The following RGS7 variants were observed in gnomAD, a reference collection of about 807,000 sequenced individuals.
RGS7 encodes the protein regulator of G protein signaling 7, also known as regulator of G-protein signaling 7.
Under a neutral mutation model 81.1 loss-of-function variants are expected in RGS7, and 27 were observed. The observed-to-expected ratio is 0.33, with a 90% CI of 0.25 to 0.46. The LOEUF (loss-of-function observed/expected upper bound fraction) is 0.46, where lower values mean the gene tolerates loss of function less well. Ranked by LOEUF, RGS7 falls within the 20% of genes least tolerant of loss-of-function variation. The pLI is 1.00. For synonymous variants in RGS7, 208 were observed against 207.7 expected, an observed-to-expected ratio of 1.00 and a Z score of -0.01; for missense variants, 396 against 607.4, an observed-to-expected ratio of 0.65 and a Z score of 3.66.
At chr1:241,022,295 G>A (rs2059578290) in intron 3 of RGS7, among the ~76,000 whole-genome samples, 1 of 152,186 alleles carries the variant, frequency 6.6e-6, no homozygotes, top group African/African-American at 2.4e-5. Context: ...CCTGGGTGTA[G>A]AGTGAACTAA....
chr1:241,015,341 T>C (rs2059166274), intron 3 of RGS7, among the ~76,000 whole-genome samples: 1 of 152,224 alleles, frequency 6.6e-6, no homozygotes, highest in Admixed American at 6.5e-5. Context: ...GCAGAAACTA[T>C]TCAATAAAAC....
chr1:240,863,887 C>T (rs552017065), intron 9 of RGS7, among the ~76,000 whole-genome samples: 19 of 152,262 alleles, frequency 1.2e-4, no homozygotes, highest in Middle Eastern at 3.4e-3. Flanking sequence ...ATATCCTCTG[C>T]GGACTATTGC....
intron 2 of RGS7, among the ~76,000 whole-genome samples, chr1:241,300,212 C>T (rs1042109929): frequency 1.3e-5 from 2 of 152,090 alleles, no homozygotes; most frequent in African/African-American, 4.8e-5. Flanking sequence ...CCCCAACCTA[C>T]CCCACTATCA....
chr1:241,131,523 G>A (rs757841456), intron 2 of RGS7, among the ~76,000 whole-genome samples: 8 of 152,108 alleles, frequency 5.3e-5, no homozygotes, highest in Non-Finnish European at 8.8e-5. Flanking sequence ...GAGAACTACT[G>A]TTTGTAGAAG....
rs1011795246 is a variant in RGS7 at position 241,308,125 on chromosome 1, A to ACTTAGAAACAGTT, written c.78+47573_78+47574insAACTGTTTCTAAG. On this transcript the variant is annotated intron_variant, in intron 2 of 18. Coordinates refer to ENST00000440928, the MANE Select transcript of RGS7 (RefSeq NM_001364886.1). The stretch of plus-strand genomic sequence containing the variant: ...AGGGCCCGTTTCAGGCAATGATGCC[A>ACTTAGAAACAGTT]GGCTTTGCTGTTGCTAGGGAGATAG... Among the ~76,000 whole-genome samples the ACTTAGAAACAGTT allele has an allele frequency of 1.1e-3, 163 of 152,132 alleles. 1 individual carries two copies. The highest frequency in any genetic ancestry group is 3.1e-3 in the African/African-American group (129 of 41,490).
chr1:240,843,271 T>C (rs527904248), intron 9 of RGS7, among the ~76,000 whole-genome samples: 34 of 152,290 alleles, frequency 2.2e-4, no homozygotes, highest in African/African-American at 8.2e-4. Flanking sequence ...TTTTTTCTTT[T>C]TTCTTTTTTT....
intron 3 of RGS7, among the ~76,000 whole-genome samples, chr1:241,022,103 G>A (rs532606601): frequency 6.6e-6 from 1 of 152,056 alleles, no homozygotes; most frequent in Non-Finnish European, 1.5e-5. Context: ...ATATACAAGG[G>A]GGTTACTATT....
chr1:241,185,063 T>C (rs1434163997), intron 2 of RGS7, among the ~76,000 whole-genome samples: 1 of 152,192 alleles, frequency 6.6e-6, no homozygotes, highest in Non-Finnish European at 1.5e-5. Flanking sequence ...TTTATTCTTG[T>C]ACATTCCTTA....
chr1:241,003,460 C>CAA (rs554768415), intron 3 of RGS7, among the ~76,000 whole-genome samples: 45 of 83,216 alleles, frequency 5.4e-4, no homozygotes, highest in African/African-American at 9.7e-4. Context: ...GACTCCGTCT[C>CAA]AAAAAAAAAA....
At chr1:241,236,671 C>T (rs2075996331) in intron 2 of RGS7, among the ~76,000 whole-genome samples, 1 of 152,066 alleles carries the variant, frequency 6.6e-6, no homozygotes, top group Admixed American at 6.6e-5. Flanking sequence ...ACAAATCAAA[C>T]CCAAGTGAAA....
chr1:241,134,880 G>C (rs948920331), intron 2 of RGS7, among the ~76,000 whole-genome samples: 1 of 152,132 alleles, frequency 6.6e-6, no homozygotes, highest in African/African-American at 2.4e-5. Flanking sequence ...AATCAGCAGC[G>C]TGGGTCAGCA....
intron 2 of RGS7, among the ~76,000 whole-genome samples, chr1:241,152,140 C>CAAA (rs112950850): frequency 1.0e-4 from 11 of 108,488 alleles, no homozygotes; most frequent in African/African-American, 3.1e-4. Flanking sequence ...CATTAGCAGC[C>CAAA]AAAAAAAAAA....
chr1:241,228,523 G>A (rs541777440), intron 2 of RGS7, among the ~76,000 whole-genome samples: 59 of 152,270 alleles, frequency 3.9e-4, no homozygotes, highest in African/African-American at 1.3e-3. Flanking sequence ...AAGGTACAGA[G>A]AGATAAACCC....
At position 241,106,038 on chromosome 1, in the gene RGS7, A is replaced by C. The variant is rs569380775; in HGVS notation, c.79-7276T>G. On this transcript the variant is annotated intron_variant, in intron 2 of 18. Coordinates refer to ENST00000440928, the MANE Select transcript of RGS7 (RefSeq NM_001364886.1). Reference sequence around the variant, plus strand: ...GGCAGTTAGGTGGTGGCAGGTTTTCATAATTTAAATTCGCCTATAACTCTT... The same window carrying C: ...GGCAGTTAGGTGGTGGCAGGTTTTCCTAATTTAAATTCGCCTATAACTCTT... Among the ~76,000 whole-genome samples the C allele has an allele frequency of 2.9e-4, 44 of 152,338 alleles. No individual in the cohort carries two copies. In the South Asian group the frequency reaches 9.1e-3, roughly 32 times the overall value.
In RGS7 at chr1:241,048,517, G is replaced by T. The variant is rs150259363; in HGVS notation, c.175+50149C>A. Among the ~76,000 whole-genome samples, 337 of 152,222 alleles carry T rather than the reference G, an allele frequency of 2.2e-3. 3 individuals are homozygous for T. Among genetic ancestry groups the T allele is most frequent in the African/African-American group, 7.2e-3 (297 of 41,538 alleles). ...AGGCCATGGTGTCACTGTGACTATAGTTTTACTAATAATACTATATGGCGG... is the reference window on the plus strand; with the variant it reads ...AGGCCATGGTGTCACTGTGACTATATTTTTACTAATAATACTATATGGCGG... On this transcript the variant is annotated intron_variant, in intron 3 of 18. Coordinates refer to ENST00000440928, the MANE Select transcript of RGS7 (RefSeq NM_001364886.1).
At chr1:241,067,948 C>T (rs975605812) in intron 3 of RGS7, among the ~76,000 whole-genome samples, 11 of 151,014 alleles carry the variant, frequency 7.3e-5, no homozygotes, top group Admixed American at 6.0e-4. Flanking sequence ...TAAGGAATTG[C>T]TCCCATCTGA....
At chr1:241,030,137 A>T (rs2059994391) in intron 3 of RGS7, among the ~76,000 whole-genome samples, 1 of 152,088 alleles carries the variant, frequency 6.6e-6, no homozygotes, top group African/African-American at 2.4e-5. Flanking sequence ...TACTTAAGGG[A>T]ATAAGCTAGG....
intron 2 of RGS7, among the ~76,000 whole-genome samples, chr1:241,192,606 C>G (rs1573063354): frequency 1.3e-5 from 2 of 152,066 alleles, no homozygotes; most frequent in Non-Finnish European, 2.9e-5. Context: ...TAGGCCTAGT[C>G]AAAACATGAA....
intron 3 of RGS7, among the ~76,000 whole-genome samples, chr1:241,078,279 C>T (rs924964245): frequency 8.4e-5 from 12 of 142,316 alleles, no homozygotes; most frequent in African/African-American, 3.1e-4. Flanking sequence ...CATATTTTTC[C>T]TGTGATATGT....
Sources: gnomAD v4.1 joint callset for allele counts (sites outside exome capture counted in the v4.1 genomes callset) on GRCh38, gnomAD v4.1.1 for gene constraint, MANE v1.5 for transcripts, NCBI Gene and HGNC (gene_info 2026-07-23, HGNC 2026-07-21) for gene names.